Variants in CNRIP1 observed in about 807,000 individuals in gnomAD.
CNRIP1 encodes the protein CB1 cannabinoid receptor-interacting protein 1.
Under a neutral mutation model 15.2 loss-of-function variants are expected in CNRIP1, and 10 were observed. That is an observed-to-expected ratio of 0.66 (90% CI 0.41 to 1.12). CNRIP1 has a LOEUF of 1.12. CNRIP1 is among the 50% of genes most tolerant of loss of function. The probability of loss-of-function intolerance (pLI) is 0.00; values close to 1 mark genes in which losing one functional copy is unlikely to be tolerated. For synonymous variants in CNRIP1, 91 were observed against 83.2 expected (o/e 1.09, Z -0.51); for missense variants, 211 against 214.7 (o/e 0.98, Z 0.11).
chr2:68,307,927 T>A (rs1363211949), intron 2 of CNRIP1, among the ~76,000 whole-genome samples: 1 of 152,064 alleles, frequency 6.6e-6, no homozygotes, highest in Non-Finnish European at 1.5e-5. Flanking sequence ...GTGTGGTGGC[T>A]CACCCCTGTA....
chr2:68,298,065 G>A (rs752931075), intron 2 of CNRIP1, among the ~76,000 whole-genome samples: 1 of 151,810 alleles, frequency 6.6e-6, no homozygotes, highest in African/African-American at 2.4e-5. Context: ...CAAGCCTAAG[G>A]GATTTTATAA....
At chr2:68,306,497 G>A (rs758106181) in intron 2 of CNRIP1, among the ~76,000 whole-genome samples, 4 of 151,898 alleles carry the variant, frequency 2.6e-5, no homozygotes, top group Non-Finnish European at 4.4e-5. Context: ...ATTACAAATG[G>A]CGACCAGGCA....
chr2:68,290,053 G>C (rs1381805405), downstream of CNRIP1, among the ~76,000 whole-genome samples: 1 of 114,894 alleles, frequency 8.7e-6, no homozygotes, highest in Non-Finnish European at 1.7e-5. Flanking sequence ...TTTTTGAGAA[G>C]GAGTCTCCTC....
At chr2:68,309,933 T>C (rs1672011614) in intron 2 of CNRIP1, among the ~76,000 whole-genome samples, 1 of 152,122 alleles carries the variant, frequency 6.6e-6, no homozygotes, top group Non-Finnish European at 1.5e-5. Context: ...CTAAGATTAA[T>C]AGCTTCTTTA....
chr2:68,306,597 GT>G (rs1157957340), intron 2 of CNRIP1, among the ~76,000 whole-genome samples: 2 of 152,000 alleles, frequency 1.3e-5, no homozygotes, highest in Non-Finnish European at 2.9e-5. Context: ...CCTGTCCAAT[GT>G]GGTGAAACCC....
chr2:68,315,848 A>AAAAAATTTTTTT (rs1345886418), intron 2 of CNRIP1: 1 of 152,020 alleles, frequency 6.6e-6, no homozygotes, highest in East Asian at 1.9e-4. Flanking sequence ...GGTTAACTAA[A>AAAAAATTTTTTT]AAAAATTTTT....
At chr2:68,289,096 C>T (rs776039777), downstream of CNRIP1, among the ~76,000 whole-genome samples, 13 of 152,172 alleles carry the variant, frequency 8.5e-5, no homozygotes, top group Non-Finnish European at 1.6e-4. Context: ...CTGCCTACCT[C>T]ACAGGGTGGT....
rs191954455 is a variant in CNRIP1 at position 68,301,125 on chromosome 2, C to T, written c.331-7099G>A. Among the ~76,000 whole-genome samples, 85 of 152,214 alleles carry T rather than the reference C, an allele frequency of 5.6e-4. 1 individual carries two copies. Among genetic ancestry groups the T allele is most frequent in the Admixed American group, 4.7e-3 (72 of 15,290 alleles). ...CAGACAGATTCCTCATGGGCATATA[C>T]GTAAAATTTGTTTATAATTTTTATT... On this transcript the variant is annotated intron_variant, in intron 2 of 2. Transcript: ENST00000263655.
At chr2:68,318,907 G>A (rs1672381249) in intron 1 of CNRIP1, among the ~76,000 whole-genome samples, 1 of 152,264 alleles carries the variant, frequency 6.6e-6, no homozygotes, top group African/African-American at 2.4e-5. Context: ...GCGGTTCCGC[G>A]CCCAAGGCTG....
chr2:68,304,798 TA>T (rs1212378854), intron 2 of CNRIP1, among the ~76,000 whole-genome samples: 2 of 152,054 alleles, frequency 1.3e-5, no homozygotes, highest in African/African-American at 4.8e-5. Flanking sequence ...AGGCTGATAA[TA>T]AAGAAAATGA....
intron 2 of CNRIP1, among the ~76,000 whole-genome samples, chr2:68,300,680 A>G (rs904204069): frequency 2.6e-5 from 4 of 152,104 alleles, no homozygotes; most frequent in Non-Finnish European, 5.9e-5. Context: ...GAAAAGAAAG[A>G]CTATAGAGAA....
intron 2 of CNRIP1, among the ~76,000 whole-genome samples, chr2:68,310,715 A>G (rs1276861110): frequency 6.6e-6 from 1 of 151,922 alleles, no homozygotes; most frequent in East Asian, 1.9e-4. Flanking sequence ...CCCATATTAA[A>G]AAAAAAAAAA....
chr2:68,317,196 C>G lies in CNRIP1; in HGVS notation c.291G>C (p.Thr97=), dbSNP rs369650513. The G allele has an allele frequency of 2.1e-5, 34 of 1,614,224 alleles. No homozygotes were observed. In the African/African-American group the frequency reaches 4.0e-4, roughly 19 times the overall value. The change falls in exon 2 of 3, where the codon ACG becomes ACC. Residue 97 remains threonine, a synonymous_variant. Coordinates refer to ENST00000263655, the MANE Select transcript of CNRIP1 (RefSeq NM_015463.3). ...GGATGGGTTGCCGTTCTCCACTCTT[C>G]GTTGGGGTCACACCTTCTGTGTCAT... ...GTYDTEGVTP[T]KSGERQPIQI...
At chr2:68,288,059 A>G (rs1671074058), downstream of CNRIP1, among the ~76,000 whole-genome samples, 1 of 117,170 alleles carries the variant, frequency 8.5e-6, no homozygotes, top group Non-Finnish European at 1.9e-5. Context: ...GCTGGTTTGC[A>G]GCCGGCCGGC....
At position 68,317,224 on chromosome 2, in the gene CNRIP1, G is replaced by A; in HGVS notation, c.263C>T (p.Thr88Ile). 2 of 1,614,152 alleles carry A rather than the reference G, an allele frequency of 1.2e-6. No homozygotes were observed. Among genetic ancestry groups the A allele is most frequent in the Non-Finnish European group, 1.7e-6 (2 of 1,180,012 alleles). The change falls in exon 2 of 3, where the codon ACA becomes ATA. Residue 88 changes from threonine to isoleucine, a missense_variant. Transcript: ENST00000263655. ...PDGDRVVYTG[T>I]YDTEGVTPTK... ...TGGGGTCACACCTTCTGTGTCATAT[G>A]TACCCGTATAAACAACTCTGTCCCC...
At chr2:68,301,271 C>G (rs912684132) in intron 2 of CNRIP1, among the ~76,000 whole-genome samples, 2 of 152,068 alleles carry the variant, frequency 1.3e-5, no homozygotes, top group Non-Finnish European at 2.9e-5. Context: ...ACCATATTAA[C>G]AGAATAAAGG....
chr2:68,309,951 G>C (rs536734049), intron 2 of CNRIP1, among the ~76,000 whole-genome samples: 2 of 142,920 alleles, frequency 1.4e-5, no homozygotes, highest in African/African-American at 5.5e-5. Context: ...TTATATTTAC[G>C]TATGTATGTA....
At chr2:68,292,460 A>C (rs1558660571), downstream of CNRIP1, among the ~76,000 whole-genome samples, 1 of 152,234 alleles carries the variant, frequency 6.6e-6, no homozygotes, top group Non-Finnish European at 1.5e-5. Flanking sequence ...TTTTCTTATA[A>C]GAAGGGTTTA....
At chr2:68,308,391 T>C (rs543173184) in intron 2 of CNRIP1, among the ~76,000 whole-genome samples, 12 of 152,330 alleles carry the variant, frequency 7.9e-5, no homozygotes, top group African/African-American at 2.6e-4. Context: ...TTTTAAAATA[T>C]CACAGACTCT....
Sources: allele counts gnomAD v4.1 joint callset (sites outside exome capture counted in the v4.1 genomes callset), GRCh38; gene constraint gnomAD v4.1.1; transcripts MANE v1.5; gene names NCBI Gene and HGNC (gene_info 2026-07-23, HGNC 2026-07-21).